The following TNS3 variants were observed in gnomAD, a reference collection of about 807,000 sequenced individuals.
The protein encoded by TNS3 is tensin-3.
A neutral mutation model predicts 140.9 loss-of-function variants in TNS3; 45 were observed. That is an observed-to-expected ratio of 0.32 (90% confidence interval 0.25 to 0.41). TNS3 has a LOEUF of 0.41. Ranked by LOEUF, TNS3 falls within the 10% of genes least tolerant of loss-of-function variation. TNS3 has a pLI of 1.00. For synonymous variants in TNS3, 815 were observed against 788.4 expected, an observed-to-expected ratio of 1.03 and a Z score of -0.56; for missense variants, 1,716 against 1,906.7, an observed-to-expected ratio of 0.90 and a Z score of 1.86.
intron 16 of TNS3, among the ~76,000 whole-genome samples, chr7:47,378,131 A>G (rs918473005): frequency 2.0e-5 from 3 of 152,142 alleles, no homozygotes; most frequent in African/African-American, 7.2e-5. Context: ...GGGATTCAAC[A>G]CAAAAGGCAT....
intron 24 of TNS3, among the ~76,000 whole-genome samples, chr7:47,295,316 T>A (rs1244593656): frequency 6.6e-6 from 1 of 152,222 alleles, no homozygotes; most frequent in African/African-American, 2.4e-5. Flanking sequence ...TTGTCCTTGC[T>A]TTAAAACTTT....
In TNS3 at chr7:47,277,761, C is replaced by T; in HGVS notation, c.*315G>A. 1 of 410,244 alleles carries T rather than the reference C, an allele frequency of 2.4e-6. No individual in the cohort carries two copies. Among genetic ancestry groups the T allele is most frequent in the Non-Finnish European group, 4.6e-6 (1 of 217,250 alleles). 25.4% of individuals were successfully genotyped at this position (410,244 alleles called of 1,614,324 possible). On this transcript the variant is annotated 3_prime_UTR_variant, in exon 31 of 31. Coordinates refer to ENST00000311160, the MANE Select transcript of TNS3 (RefSeq NM_022748.12). Reference sequence around the variant, plus strand: ...TGTGCCAGGGACATGGGGACCACCTCGTGTTCTGTGCTGTTTCCTTGCATG... The same window carrying T: ...TGTGCCAGGGACATGGGGACCACCTTGTGTTCTGTGCTGTTTCCTTGCATG...
intron 20 of TNS3, among the ~76,000 whole-genome samples, chr7:47,327,970 G>A (rs556419147): frequency 3.3e-5 from 5 of 152,174 alleles, no homozygotes; most frequent in African/African-American, 1.2e-4. Context: ...GAGTCCCAAT[G>A]TACAGCTTAC....
chr7:47,419,483 G>C (rs1408298527), intron 10 of TNS3, among the ~76,000 whole-genome samples: 4 of 152,224 alleles, frequency 2.6e-5, no homozygotes, highest in Admixed American at 2.6e-4. Flanking sequence ...GGCTATTCCT[G>C]GGCTTGGACC....
intron 1 of TNS3, among the ~76,000 whole-genome samples, chr7:47,556,494 C>T (rs1056150816): frequency 6.6e-6 from 1 of 152,198 alleles, no homozygotes; most frequent in African/African-American, 2.4e-5. Flanking sequence ...GCATCTGAAG[C>T]TCTGAGGTAG....
At chr7:47,391,027 C>T (rs1026682072) in intron 16 of TNS3, among the ~76,000 whole-genome samples, 4 of 152,184 alleles carry the variant, frequency 2.6e-5, no homozygotes, top group Non-Finnish European at 5.9e-5. Flanking sequence ...AGGAAGCTGA[C>T]ATTCCCCCGA....
intron 9 of TNS3, 64 bp from the exon 10 acceptor site, chr7:47,424,248 CG>C (rs1466239968): frequency 6.5e-7 from 1 of 1,537,804 alleles, no homozygotes; most frequent in Non-Finnish European, 8.9e-7. Context: ...GGGTACTTGA[CG>C]GGGGATGTGT....
chr7:47,541,165 A>G (rs141252983), intron 1 of TNS3, among the ~76,000 whole-genome samples: 10 of 152,312 alleles, frequency 6.6e-5, no homozygotes, highest in African/African-American at 2.4e-4. Context: ...ATGATTGAGC[A>G]TAAGGATCTG....
At chr7:47,347,673 C>T (rs551576535) in intron 17 of TNS3, among the ~76,000 whole-genome samples, 5 of 152,176 alleles carry the variant, frequency 3.3e-5, no homozygotes, top group African/African-American at 1.2e-4. Flanking sequence ...CAAGGGAGAT[C>T]CAAACACAGG....
chr7:47,382,404 C>T (rs1324991880), intron 16 of TNS3, among the ~76,000 whole-genome samples: 1 of 152,202 alleles, frequency 6.6e-6, no homozygotes, highest in Non-Finnish European at 1.5e-5. Context: ...CAGGCAGGCT[C>T]AGAACGCTCT....
At chr7:47,447,840 A>G (rs1024671538) in intron 4 of TNS3, among the ~76,000 whole-genome samples, 1 of 152,212 alleles carries the variant, frequency 6.6e-6, no homozygotes, top group Non-Finnish European at 1.5e-5. Flanking sequence ...TGCTCGCTCT[A>G]GTATCTCTAT....
chr7:47,331,678 G>A (rs972403557), intron 20 of TNS3, among the ~76,000 whole-genome samples: 2 of 152,164 alleles, frequency 1.3e-5, no homozygotes, highest in African/African-American at 4.8e-5. Flanking sequence ...TTGTAAACTT[G>A]TTCATTTGCT....
chr7:47,279,973 G>A (rs531625953), intron 30 of TNS3, 191 bp downstream of exon 30: 96 of 663,288 alleles, frequency 1.4e-4, no homozygotes, highest in South Asian at 1.4e-3. Context: ...GCCAACAGCC[G>A]GCAGAAAAGT....
At chr7:47,494,776 AT>A (rs1039881344) in intron 3 of TNS3, among the ~76,000 whole-genome samples, 13 of 152,078 alleles carry the variant, frequency 8.5e-5, no homozygotes, top group Non-Finnish European at 1.8e-4. Context: ...CCCGCGAGCT[AT>A]TTCTGTGCTT....
intron 4 of TNS3, among the ~76,000 whole-genome samples, chr7:47,470,888 A>G (rs1796922321): frequency 6.6e-6 from 1 of 151,942 alleles, no homozygotes. Flanking sequence ...TTCAAATTCC[A>G]GCTACAAAGG....
At chr7:47,502,122 A>C (rs1798249464) in intron 3 of TNS3, among the ~76,000 whole-genome samples, 2 of 152,194 alleles carry the variant, frequency 1.3e-5, no homozygotes, top group Non-Finnish European at 2.9e-5. Flanking sequence ...GAACTTTGAA[A>C]TGCAACGCCC....
chr7:47,557,922 T>G (rs535423526), intron 1 of TNS3, among the ~76,000 whole-genome samples: 1 of 152,360 alleles, frequency 6.6e-6, no homozygotes, highest in Non-Finnish European at 1.5e-5. Flanking sequence ...AAGGATGGCC[T>G]CTTTTCCAGA....
intron 20 of TNS3, among the ~76,000 whole-genome samples, chr7:47,329,062 A>G (rs1299491085): frequency 2.6e-5 from 4 of 152,186 alleles, no homozygotes; most frequent in Non-Finnish European, 4.4e-5. Context: ...AGCATTTGGA[A>G]CACCATCTCC....
intron 4 of TNS3, among the ~76,000 whole-genome samples, chr7:47,443,657 C>G (rs993029189): frequency 6.6e-6 from 1 of 152,190 alleles, no homozygotes; most frequent in African/African-American, 2.4e-5. Flanking sequence ...CACAGTGGCT[C>G]ACACCTGTAA....
Sources: allele counts gnomAD v4.1 joint callset (sites outside exome capture counted in the v4.1 genomes callset), GRCh38; gene constraint gnomAD v4.1.1; transcripts MANE v1.5; gene names NCBI Gene and HGNC (gene_info 2026-07-23, HGNC 2026-07-21).